The following RIC1 variants were observed in gnomAD, a reference collection of about 807,000 sequenced individuals.
RIC1 encodes the protein RIC1 partner of RAB6A GEF complex, also known as guanine nucleotide exchange factor subunit RIC1.
A neutral mutation model predicts 169.0 loss-of-function variants in RIC1; 88 were observed. The ratio of observed to expected loss-of-function variants is 0.52; its 90% CI spans 0.44 to 0.62. The LOEUF (loss-of-function observed/expected upper bound fraction) is 0.62, where lower values mean the gene tolerates loss of function less well. RIC1 is among the 20% of genes least tolerant of loss of function. The pLI is 0.00. For synonymous variants in RIC1, 790 were observed against 601.5 expected, an observed-to-expected ratio of 1.31 and a Z score of -4.59; for missense variants, 1,877 against 1,725.5, an observed-to-expected ratio of 1.09 and a Z score of -1.56.
intron 1 of RIC1, among the ~76,000 whole-genome samples, chr9:5,631,665 G>A (rs1210841130): frequency 7.2e-5 from 10 of 138,104 alleles, no homozygotes; most frequent in African/African-American, 2.2e-4. Context: ...CCAGCCTGGC[G>A]ACAGAGCAAG....
At chr9:5,650,423 C>T (rs1052083705) in intron 1 of RIC1, among the ~76,000 whole-genome samples, 5 of 151,980 alleles carry the variant, frequency 3.3e-5, no homozygotes, top group African/African-American at 1.2e-4. Flanking sequence ...TCTTCAGGCC[C>T]CCTGGTAGAG....
intron 2 of RIC1, among the ~76,000 whole-genome samples, chr9:5,683,892 G>C (rs999706478): frequency 6.6e-6 from 1 of 152,128 alleles, no homozygotes. Flanking sequence ...TTTGATCTCA[G>C]ACTGCTGTGC....
In RIC1 at chr9:5,772,694, C is replaced by A; in HGVS notation, c.3747C>A (p.Ser1249=). 1.2e-6 allele frequency: 2 copies of A among 1,613,402 alleles called. No homozygotes were observed. The highest frequency in any genetic ancestry group is 1.7e-6 in the Non-Finnish European group (2 of 1,179,782). ...CTCAGTCAGAGCTGGAGCACATTTCCATGGAGTTGGCCAGTAAAGGGCCTC... is the reference window on the plus strand; with the variant it reads ...CTCAGTCAGAGCTGGAGCACATTTCAATGGAGTTGGCCAGTAAAGGGCCTC... ...SLTQSELEHI[S]MELASKGPHK... The change falls in exon 24 of 26, where the codon TCC becomes TCA. Residue 1249 remains serine, a synonymous_variant. Coordinates refer to ENST00000414202, the MANE Select transcript of RIC1 (RefSeq NM_020829.4).
At chr9:5,749,612 T>C (rs2131015488) in intron 12 of RIC1, among the ~76,000 whole-genome samples, 1 of 152,264 alleles carries the variant, frequency 6.6e-6, no homozygotes, top group East Asian at 1.9e-4. Context: ...TTTAGAGTAC[T>C]AGCTTTTTGT....
At position 5,774,060 on chromosome 9, in the gene RIC1, T is replaced by G; in HGVS notation, c.4086T>G (p.Thr1362=). 6.2e-7 allele frequency: 1 copy of G among 1,613,998 alleles called. No individual in the cohort carries two copies. Among genetic ancestry groups the G allele is most frequent in the East Asian group, 2.2e-5 (1 of 44,862 alleles). The part of the protein sequence containing the change: ...QVQPDAFQPI[T]MGKTPEQTSP... Reference sequence around the variant, plus strand: ...AGCCAGATGCCTTCCAACCAATAACTATGGGTAAGACTCCAGAACAGACTA... The same window carrying G: ...AGCCAGATGCCTTCCAACCAATAACGATGGGTAAGACTCCAGAACAGACTA... Residue 1362 remains threonine, a synonymous_variant, in exon 26 of 26, where the codon ACT becomes ACG. Coordinates refer to ENST00000414202, the MANE Select transcript of RIC1 (RefSeq NM_020829.4).
chr9:5,758,209 A>T (rs753489955), intron 17 of RIC1, among the ~76,000 whole-genome samples: 2 of 152,190 alleles, frequency 1.3e-5, no homozygotes, highest in Non-Finnish European at 2.9e-5. Context: ...ATAATCCCGT[A>T]GTTTCTGGGT....
intron 4 of RIC1, among the ~76,000 whole-genome samples, chr9:5,719,666 G>A (rs1823469777): frequency 6.6e-6 from 1 of 152,120 alleles, no homozygotes; most frequent in African/African-American, 2.4e-5. Flanking sequence ...TAAAATTTCA[G>A]TTATTTTATT....
chr9:5,743,152 C>G (rs984694578), intron 9 of RIC1, 139 bp downstream of exon 9: 7 of 687,410 alleles, frequency 1.0e-5, no homozygotes, highest in Non-Finnish European at 1.7e-5. Context: ...ATAATCTGTT[C>G]GAATATACTG....
At chr9:5,767,896 G>GTT (rs1370322224) in intron 21 of RIC1, among the ~76,000 whole-genome samples, 1 of 152,064 alleles carries the variant, frequency 6.6e-6, no homozygotes, top group Non-Finnish European at 1.5e-5. Flanking sequence ...CTGTTTTACT[G>GTT]TTTTTTAACA....
In RIC1 at chr9:5,715,705, A is replaced by C. The variant is rs144665945; in HGVS notation, c.440+1702A>C. Among the ~76,000 whole-genome samples the C allele has an allele frequency of 3.7e-3, 557 of 152,308 alleles. 2 individuals carry two copies. Among genetic ancestry groups the C allele is most frequent in the African/African-American group, 0.013 (536 of 41,562 alleles). ...TTTTTGATTTGAAGAAAAAATATTAATGTTAAGCATCTAACTTTTGTTATT... is the reference window on the plus strand; with the variant it reads ...TTTTTGATTTGAAGAAAAAATATTACTGTTAAGCATCTAACTTTTGTTATT... On this transcript the variant is annotated intron_variant, in intron 4 of 25. Transcript: ENST00000414202.
At chr9:5,727,120 G>C (rs1008346908) in intron 6 of RIC1, among the ~76,000 whole-genome samples, 17 of 152,166 alleles carry the variant, frequency 1.1e-4, no homozygotes, top group African/African-American at 3.6e-4. Context: ...GGTTGGGGAA[G>C]TTCTCCTGGA....
intron 17 of RIC1, among the ~76,000 whole-genome samples, chr9:5,761,406 G>A (rs550759628): frequency 6.6e-6 from 1 of 151,810 alleles, no homozygotes; most frequent in Admixed American, 6.6e-5. Context: ...GAGCCACTGC[G>A]CCCAGCCTGG....
At chr9:5,633,596 A>G (rs879029937) in intron 1 of RIC1, among the ~76,000 whole-genome samples, 1 of 152,260 alleles carries the variant, frequency 6.6e-6, no homozygotes, top group Admixed American at 6.5e-5. Flanking sequence ...TTGAGGTATA[A>G]TTGACAAATA....
chr9:5,679,751 G>C (rs1195356607), intron 2 of RIC1, among the ~76,000 whole-genome samples: 9 of 152,200 alleles, frequency 5.9e-5, no homozygotes, highest in Admixed American at 3.3e-4. Context: ...CTGATACGAT[G>C]GGGTTTTCTA....
Position 5,700,889 on chromosome 9 carries a change from A to C in RIC1, c.332+10851A>C, listed in dbSNP as rs1407724809. On this transcript the variant is annotated intron_variant, in intron 3 of 25. Transcript: ENST00000414202. ...CATGTAGTTTCACAAAGACAACTGCAAGTTATAAATATTTTTTTTCAAATA... is the reference window on the plus strand; with the variant it reads ...CATGTAGTTTCACAAAGACAACTGCCAGTTATAAATATTTTTTTTCAAATA... 4.6e-5 allele frequency among the ~76,000 whole-genome samples: 7 copies of C among 152,366 alleles called. No homozygotes were observed. The East Asian group carries it at 7.7e-4, about 17-fold the overall frequency.
chr9:5,683,928 A>G (rs568437197), intron 2 of RIC1, among the ~76,000 whole-genome samples: 151 of 152,282 alleles, frequency 9.9e-4, no homozygotes, highest in Non-Finnish European at 1.7e-3. Context: ...CTCCGTGGGC[A>G]TAGGACCCTC....
At chr9:5,713,568 A>C (rs1823060653) in intron 3 of RIC1, 1 of 210,452 alleles carries the variant, frequency 4.8e-6, no homozygotes. Context: ...CCACCTTAGA[A>C]AGGGCCCTCA....
At position 5,756,283 on chromosome 9, in the gene RIC1, AT is replaced by A; in HGVS notation, c.1766del (p.Leu589TyrfsTer10). 1 of 1,604,276 alleles carries A rather than the reference AT, an allele frequency of 6.2e-7. No homozygotes were observed. Among genetic ancestry groups the A allele is most frequent in the Non-Finnish European group, 8.5e-7 (1 of 1,173,338 alleles). On this transcript the variant is annotated frameshift_variant, in exon 16 of 26. Coordinates refer to ENST00000414202, the MANE Select transcript of RIC1 (RefSeq NM_020829.4). LOFTEE classifies it high-confidence loss of function. The stretch of plus-strand genomic sequence containing the variant: ...ATGTCACCAAAGCACAAGCAGAAAC[AT>A]TACTGCTTAGTGTCTTCCAGGACAT... ...AHVTKAQAET[L>X]LLSVFQDMVI...
rs189410869 is a variant in RIC1, at chr9:5,727,321, G to T, written c.721-5067G>T. On this transcript the variant is annotated intron_variant, in intron 6 of 25. Coordinates refer to ENST00000414202, the MANE Select transcript of RIC1 (RefSeq NM_020829.4). Reference sequence around the variant, plus strand: ...TCATTCATTTGATCTTCAATCATTCGATCAAATCGGCTACTGAAGCTTGTG... The same window carrying T: ...TCATTCATTTGATCTTCAATCATTCTATCAAATCGGCTACTGAAGCTTGTG... Among the ~76,000 whole-genome samples the T allele has an allele frequency of 1.8e-3, 264 of 150,400 alleles. 4 individuals are homozygous for T. The highest frequency in any genetic ancestry group is 1.1e-3 in the Non-Finnish European group (73 of 67,028).
Sources: gnomAD v4.1 joint callset for allele counts (sites outside exome capture counted in the v4.1 genomes callset) on GRCh38, gnomAD v4.1.1 for gene constraint, MANE v1.5 for transcripts, NCBI Gene and HGNC (gene_info 2026-07-23, HGNC 2026-07-21) for gene names.